The following RANBP17 variants were observed in gnomAD, a reference collection of about 807,000 sequenced individuals.
RANBP17 encodes the protein ran-binding protein 17.
In RANBP17, 158 loss-of-function variants were observed where a neutral mutation model predicts 141.2. The observed-to-expected ratio is 1.12, with a 90% confidence interval of 0.98 to 1.28. The LOEUF (loss-of-function observed/expected upper bound fraction) is 1.28, where lower values mean the gene tolerates loss of function less well. Among genes scored for constraint, RANBP17 ranks in the 50% most tolerant of loss-of-function variants. The pLI, the probability that RANBP17 is intolerant of heterozygous loss-of-function variation, is 0.00. For missense variants in RANBP17, 1,438 were observed against 1,290.7 expected (o/e 1.11, Z -1.75); for synonymous variants, 430 against 450.0 (o/e 0.96, Z 0.56).
At chr5:171,055,308 G>A (rs577338237) in intron 14 of RANBP17, among the ~76,000 whole-genome samples, 2 of 152,160 alleles carry the variant, frequency 1.3e-5, no homozygotes, top group East Asian at 3.9e-4. Flanking sequence ...AGTCTGAATT[G>A]CAGGAAAAAA....
intron 25 of RANBP17, chr5:171,271,358 A>G (rs1182133070): frequency 9.5e-6 from 2 of 211,272 alleles, no homozygotes; most frequent in African/African-American, 2.3e-5. Context: ...ATTGCTCAAC[A>G]TTTTGACATA....
At chr5:170,985,012 CAT>C (rs1230686528) in intron 14 of RANBP17, among the ~76,000 whole-genome samples, 1 of 149,186 alleles carries the variant, frequency 6.7e-6, no homozygotes, top group Non-Finnish European at 1.5e-5. Flanking sequence ...CACACAGACA[CAT>C]ACACATATAC....
chr5:171,239,213 A>T (rs1048880110), intron 22 of RANBP17, among the ~76,000 whole-genome samples: 2 of 152,202 alleles, frequency 1.3e-5, no homozygotes, highest in Non-Finnish European at 2.9e-5. Context: ...TGTCATTCAG[A>T]TATATAAATT....
intron 9 of RANBP17, 29 bp downstream of exon 9, chr5:170,916,613 A>G (rs369631825): frequency 6.1e-5 from 86 of 1,409,198 alleles, no homozygotes; most frequent in Non-Finnish European, 7.6e-5. Context: ...AATACTTAGC[A>G]TATAGAGATA....
At chr5:171,116,569 A>G (rs1160420318) in intron 14 of RANBP17, among the ~76,000 whole-genome samples, 1 of 152,176 alleles carries the variant, frequency 6.6e-6, no homozygotes, top group Non-Finnish European at 1.5e-5. Flanking sequence ...ATAATTGTGC[A>G]TATTTATGGG....
intron 24 of RANBP17, chr5:171,252,667 C>T: frequency 7.0e-7 from 1 of 1,418,464 alleles, no homozygotes; most frequent in Non-Finnish European, 1.0e-6. Context: ...AAAACTTAGT[C>T]TATTTAACAC....
At chr5:170,955,509 GTA>G (rs1251901033) in intron 13 of RANBP17, among the ~76,000 whole-genome samples, 1 of 99,834 alleles carries the variant, frequency 1.0e-5, no homozygotes, top group African/African-American at 3.7e-5. Context: ...ATATATATAT[GTA>G]TATATATGCT....
chr5:170,928,019 T>A (rs538880570), intron 12 of RANBP17, among the ~76,000 whole-genome samples: 30 of 152,228 alleles, frequency 2.0e-4, no homozygotes, highest in African/African-American at 7.0e-4. Context: ...TTACTCTGCA[T>A]CCCTGCCATC....
chr5:171,269,310 A>G (rs1450957179), intron 25 of RANBP17, among the ~76,000 whole-genome samples: 1 of 152,180 alleles, frequency 6.6e-6, no homozygotes, highest in Non-Finnish European at 1.5e-5. Flanking sequence ...TGAGGCAGTA[A>G]AATTGATAAT....
At chr5:171,038,164 G>C (rs1479882517) in intron 14 of RANBP17, among the ~76,000 whole-genome samples, 1 of 119,496 alleles carries the variant, frequency 8.4e-6, no homozygotes, top group South Asian at 2.4e-4. Context: ...CTTAGGTATT[G>C]TGTGTGTGTG....
chr5:171,237,482 A>G (rs1046729069), intron 22 of RANBP17, among the ~76,000 whole-genome samples: 1 of 152,184 alleles, frequency 6.6e-6, no homozygotes, highest in Non-Finnish European at 1.5e-5. Flanking sequence ...AATTCACAGT[A>G]TTCTTTTCCC....
At chr5:171,133,303 A>C (rs1757056669) in intron 14 of RANBP17, among the ~76,000 whole-genome samples, 1 of 152,248 alleles carries the variant, frequency 6.6e-6, no homozygotes, top group Non-Finnish European at 1.5e-5. Context: ...TGCTGTAAGG[A>C]GATACACAGT....
chr5:171,184,695 T>C (rs1387161249), intron 18 of RANBP17, among the ~76,000 whole-genome samples: 1 of 152,210 alleles, frequency 6.6e-6, no homozygotes, highest in Non-Finnish European at 1.5e-5. Flanking sequence ...ATCATACATA[T>C]GTACCTCAAA....
chr5:171,089,555 G>A lies in RANBP17; in HGVS notation c.1711-80575G>A, dbSNP rs373854149. Among the ~76,000 whole-genome samples the A allele has an allele frequency of 5.2e-3, 767 of 147,812 alleles. 8 individuals carry two copies. The highest frequency in any genetic ancestry group is 0.014 in the Middle Eastern group (4 of 288). On this transcript the variant is annotated intron_variant, in intron 14 of 27. Coordinates refer to ENST00000523189, the MANE Select transcript of RANBP17 (RefSeq NM_022897.5). ...GGGCAATGGCGGGCGCCCCTCCCCC[G>A]GCCTCGCTGCTGCCTTGCAGTTTGA...
intron 20 of RANBP17, among the ~76,000 whole-genome samples, chr5:171,211,596 G>A (rs138737408): frequency 1.9e-5 from 2 of 108,042 alleles, no homozygotes; most frequent in African/African-American, 6.9e-5. Context: ...TATTTATTTT[G>A]TTTACTAGAA....
intron 14 of RANBP17, among the ~76,000 whole-genome samples, chr5:171,046,611 C>T (rs1040079677): frequency 6.6e-6 from 1 of 152,026 alleles, no homozygotes; most frequent in African/African-American, 2.4e-5. Context: ...AAATTATCTT[C>T]AGTGCTACAG....
chr5:170,940,930 C>A (rs1774275654), intron 12 of RANBP17, among the ~76,000 whole-genome samples: 2 of 149,886 alleles, frequency 1.3e-5, no homozygotes, highest in Non-Finnish European at 1.5e-5. Context: ...GTTTTAATTG[C>A]TGATTGGTTA....
At chr5:170,912,783 A>G (rs1158027317) in intron 7 of RANBP17, among the ~76,000 whole-genome samples, 1 of 151,840 alleles carries the variant, frequency 6.6e-6, no homozygotes, top group Non-Finnish European at 1.5e-5. Flanking sequence ...ATGGAGAAAG[A>G]AGGAAATTTG....
At chr5:170,884,155 G>A (rs1768954925) in intron 3 of RANBP17, among the ~76,000 whole-genome samples, 1 of 152,036 alleles carries the variant, frequency 6.6e-6, no homozygotes, top group African/African-American at 2.4e-5. Context: ...GATGTGTAGT[G>A]GTATCTCCTT....
Sources: allele counts gnomAD v4.1 joint callset (sites outside exome capture counted in the v4.1 genomes callset), GRCh38; gene constraint gnomAD v4.1.1; transcripts MANE v1.5; gene names NCBI Gene and HGNC (gene_info 2026-07-23, HGNC 2026-07-21).